EBF3: variants seen among roughly 807,000 people sequenced by gnomAD.
The protein encoded by EBF3 is transcription factor COE3.
Under a neutral mutation model 77.1 loss-of-function variants are expected in EBF3, and 18 were observed. The observed-to-expected ratio is 0.23, with a 90% CI of 0.16 to 0.35. EBF3 has a LOEUF of 0.35. Among genes scored for constraint, EBF3 ranks in the 10% least tolerant of loss-of-function variants. The probability of loss-of-function intolerance (pLI) is 1.00; values close to 1 mark genes in which losing one functional copy is unlikely to be tolerated. For missense variants in EBF3, 558 were observed against 860.0 expected (o/e 0.65, Z 4.39); for synonymous variants, 350 against 343.5 (o/e 1.02, Z -0.21).
Position 129,887,025 on chromosome 10 carries a change from C to T in EBF3, c.555-9176G>A, listed in dbSNP as rs1191765931. ...GGAGATGTCAGGGTAAGCACAGGCC[C>T]GGGGAAGAGGCTGGGTGGGGGTTGT... On this transcript the variant is annotated intron_variant, in intron 6 of 16. Transcript: ENST00000440978. Among the ~76,000 whole-genome samples, 6 of 73,686 alleles carry T rather than the reference C, an allele frequency of 8.1e-5. No homozygotes were observed. In the East Asian group the frequency reaches 2.4e-3, roughly 29 times the overall value. 48.3% of individuals were successfully genotyped at this position (73,686 alleles called of 152,430 possible). A position where few individuals can be genotyped will look rare whatever the true frequency, so the allele number is the denominator to read the frequency against.
intron 4 of EBF3, among the ~76,000 whole-genome samples, chr10:129,959,940 C>A (rs1157290561): frequency 6.6e-6 from 1 of 152,144 alleles, no homozygotes; most frequent in East Asian, 1.9e-4. Context: ...AAGGCAGTCT[C>A]TGCGCGCACG....
At chr10:129,914,775 G>A (rs1322990565) in intron 6 of EBF3, among the ~76,000 whole-genome samples, 7 of 152,094 alleles carry the variant, frequency 4.6e-5, no homozygotes, top group African/African-American at 9.7e-5. Context: ...CAGCTGCCCC[G>A]GCCACTACTC....
Position 129,879,683 on chromosome 10 carries a change from T to C in EBF3, c.555-1834A>G, listed in dbSNP as rs1291354206. Among the ~76,000 whole-genome samples, 1 of 152,234 alleles carries C rather than the reference T, an allele frequency of 6.6e-6. No homozygotes were observed. Among genetic ancestry groups the C allele is most frequent in the East Asian group, 1.9e-4 (1 of 5,200 alleles). On this transcript the variant is annotated intron_variant, in intron 6 of 16. Coordinates refer to ENST00000440978, the MANE Select transcript of EBF3 (RefSeq NM_001375380.1). The surrounding 1 kb of genome is among the most constrained non-coding windows in gnomAD (Gnocchi z 4.7). ...CTCTTCACACCATCTGCCATCAGCA[T>C]ACAGTAAGTCACTTGATATTCCACC...
intron 5 of EBF3, among the ~76,000 whole-genome samples, chr10:129,958,369 T>C (rs1240116731): frequency 6.6e-6 from 1 of 152,168 alleles, no homozygotes; most frequent in Non-Finnish European, 1.5e-5. Flanking sequence ...GGTGAAACTC[T>C]TGTGGTAGTT....
rs1361323536 is a variant in EBF3, at chr10:129,841,257, C to T, written c.1373-225G>A. Among the ~76,000 whole-genome samples the T allele has an allele frequency of 2.0e-5, 3 of 152,150 alleles. No individual in the cohort carries two copies. Among genetic ancestry groups the T allele is most frequent in the Admixed American group, 6.5e-5 (1 of 15,276 alleles). The stretch of plus-strand genomic sequence containing the variant: ...GTCTCTGCTGGCTTCAACAGCCAGC[C>T]GGGGCGCGCTTCGATCTCGCCGTCA... On this transcript the variant is annotated intron_variant, in intron 13 of 16. Transcript: ENST00000440978. This position sits in a 1 kb window ranked among gnomAD's most constrained non-coding sequence, Gnocchi z 4.6.
intron 6 of EBF3, among the ~76,000 whole-genome samples, chr10:129,918,420 G>GA (rs1208533035): frequency 1.3e-5 from 2 of 152,266 alleles, no homozygotes; most frequent in Admixed American, 6.5e-5. Flanking sequence ...GAAAAGCTAA[G>GA]AAAAAAATTA....
rs1473785242 is a variant in EBF3, at chr10:129,848,114, G to T, written c.1128+278C>A. On this transcript the variant is annotated intron_variant, in intron 11 of 16. Transcript: ENST00000440978. The surrounding 1 kb of genome is among the most constrained non-coding windows in gnomAD (Gnocchi z 4.4). Reference sequence around the variant, plus strand: ...CCCCCTCACAGAATCCAAAATATTTGTTATCAGAAAAGCTGTTCTTTGCTT... The same window carrying T: ...CCCCCTCACAGAATCCAAAATATTTTTTATCAGAAAAGCTGTTCTTTGCTT... 6.6e-6 allele frequency among the ~76,000 whole-genome samples: 1 copy of T among 152,188 alleles called. No individual in the cohort carries two copies.
chr10:129,871,402 T>C (rs1161318959), intron 8 of EBF3, among the ~76,000 whole-genome samples: 1 of 152,216 alleles, frequency 6.6e-6, no homozygotes, highest in Admixed American at 6.5e-5. Flanking sequence ...GCAGGGGGAA[T>C]TCGTTTACTT....
At chr10:129,927,017 G>A (rs1249461845) in intron 6 of EBF3, among the ~76,000 whole-genome samples, 1 of 152,240 alleles carries the variant, frequency 6.6e-6, no homozygotes, top group Non-Finnish European at 1.5e-5. Flanking sequence ...GCTCCCTTGG[G>A]CAGTGCCATT....
chr10:129,845,322 C>G, intron 11 of EBF3: 1 of 152,312 alleles, frequency 6.6e-6, no homozygotes, highest in East Asian at 1.9e-4. Context: ...AATTTCTTAG[C>G]CACAACCATA....
At chr10:129,918,009 C>T (rs1856011297) in intron 6 of EBF3, among the ~76,000 whole-genome samples, 1 of 152,238 alleles carries the variant, frequency 6.6e-6, no homozygotes, top group Non-Finnish European at 1.5e-5. Context: ...CTTCAACCCC[C>T]ATCAGCTCTG....
At chr10:129,951,053 C>G (rs909915959) in intron 6 of EBF3, among the ~76,000 whole-genome samples, 1 of 152,130 alleles carries the variant, frequency 6.6e-6, no homozygotes, top group African/African-American at 2.4e-5. Context: ...AAAAAGTAAC[C>G]AACAATTACA....
chr10:129,849,453 G>A (rs1850704782), intron 10 of EBF3, among the ~76,000 whole-genome samples: 1 of 152,232 alleles, frequency 6.6e-6, no homozygotes, highest in Admixed American at 6.5e-5. Flanking sequence ...TCACTCATTA[G>A]TAATTTGATG....
intron 6 of EBF3, among the ~76,000 whole-genome samples, chr10:129,931,295 T>C (rs10734093): frequency 0.81 from 123,635 of 152,210 alleles, 50,707 homozygotes; most frequent in East Asian, 0.96. Flanking sequence ...TTGGTGTAAG[T>C]GCATTGTAGA....
At position 129,848,272 on chromosome 10, in the gene EBF3, TG is replaced by T; in HGVS notation, c.1128+119del. 9.4e-7 allele frequency: 1 copy of T among 1,066,564 alleles called. No individual in the cohort carries two copies. The highest frequency in any genetic ancestry group is 1.4e-6 in the Non-Finnish European group (1 of 691,602). The allele number at this position is 1,066,564 out of a possible 1,614,324, so 66.1% of individuals were successfully genotyped here. On this transcript the variant is annotated intron_variant, in intron 11 of 16. Transcript: ENST00000440978. The surrounding 1 kb of genome is among the most constrained non-coding windows in gnomAD (Gnocchi z 4.4). Reference sequence around the variant, plus strand: ...CTCCTCACACCTGTCGGCCCTGTGGTGGGCACAGAGTTTGGGGAATCTGCAA... The same window carrying T: ...CTCCTCACACCTGTCGGCCCTGTGGTGGCACAGAGTTTGGGGAATCTGCAA...
chr10:129,908,588 A>C (rs1213978722), intron 6 of EBF3, among the ~76,000 whole-genome samples: 1 of 152,246 alleles, frequency 6.6e-6, no homozygotes, highest in African/African-American at 2.4e-5. Context: ...AACTCCTCCA[A>C]GAAAACTCAG....
At chr10:129,901,308 T>A (rs1447097464) in intron 6 of EBF3, among the ~76,000 whole-genome samples, 2 of 152,242 alleles carry the variant, frequency 1.3e-5, no homozygotes, top group Non-Finnish European at 2.9e-5. Context: ...CATGATTGTT[T>A]ATTTTTATTA....
chr10:129,889,042 G>A (rs1443349262), intron 6 of EBF3, among the ~76,000 whole-genome samples: 1 of 152,152 alleles, frequency 6.6e-6, no homozygotes, highest in Non-Finnish European at 1.5e-5. Flanking sequence ...GTCGGGGTTT[G>A]TGCAACTTTC....
chr10:129,920,342 C>A (rs1856201846), intron 6 of EBF3, among the ~76,000 whole-genome samples: 2 of 152,026 alleles, frequency 1.3e-5, no homozygotes, highest in Admixed American at 1.3e-4. Flanking sequence ...AGGAGGGCCA[C>A]AAACCCGCCC....
Sources: gnomAD v4.1 joint callset for allele counts (sites outside exome capture counted in the v4.1 genomes callset) on GRCh38, gnomAD v4.1.1 for gene constraint, Gnocchi (gnomAD v3.1) non-coding constraint, MANE v1.5 for transcripts, NCBI Gene and HGNC (gene_info 2026-07-23, HGNC 2026-07-21) for gene names.